Variants in PRKD1 observed in about 807,000 individuals in gnomAD.
The protein encoded by PRKD1 is serine/threonine-protein kinase D1.
Under a neutral mutation model 95.9 loss-of-function variants are expected in PRKD1, and 63 were observed. That is an observed-to-expected ratio of 0.66 (90% CI 0.54 to 0.81). The LOEUF (loss-of-function observed/expected upper bound fraction) is 0.81. Ranked by LOEUF, PRKD1 falls within the 30% of genes least tolerant of loss-of-function variation. The pLI is 0.00. For missense variants in PRKD1, 1,048 were observed against 1,165.3 expected, an observed-to-expected ratio of 0.90 and a Z score of 1.47; for synonymous variants, 425 against 423.1, an observed-to-expected ratio of 1.00 and a Z score of -0.05.
intron 1 of PRKD1, among the ~76,000 whole-genome samples, chr14:29,801,629 T>A (rs948336518): frequency 6.6e-6 from 1 of 151,206 alleles, no homozygotes; most frequent in Admixed American, 6.6e-5. Context: ...GGTGGTCTTA[T>A]ATGAATTACA....
intron 1 of PRKD1, among the ~76,000 whole-genome samples, chr14:29,898,605 T>C (rs1291036904): frequency 6.6e-6 from 1 of 151,772 alleles, no homozygotes; most frequent in Non-Finnish European, 1.5e-5. Flanking sequence ...AAGCAAATCA[T>C]CAGGTAATTT....
intron 16 of PRKD1, among the ~76,000 whole-genome samples, chr14:29,590,525 C>G (rs924755177): frequency 2.6e-5 from 4 of 152,120 alleles, no homozygotes; most frequent in Non-Finnish European, 5.9e-5. Flanking sequence ...CCCTTCACTT[C>G]TTTGTTCTCC....
At chr14:29,884,999 T>G (rs1893646548) in intron 1 of PRKD1, among the ~76,000 whole-genome samples, 1 of 151,432 alleles carries the variant, frequency 6.6e-6, no homozygotes, top group Admixed American at 6.6e-5. Context: ...GGTGGGCGCC[T>G]GTAGTCCCAG....
intron 6 of PRKD1, among the ~76,000 whole-genome samples, chr14:29,636,908 A>G (rs1880421527): frequency 6.6e-6 from 1 of 152,152 alleles, no homozygotes; most frequent in Admixed American, 6.5e-5. Context: ...GCTAAAGATA[A>G]TGGCCTCCAG....
At chr14:29,699,121 T>A (rs1203348672) in intron 2 of PRKD1, among the ~76,000 whole-genome samples, 5 of 152,198 alleles carry the variant, frequency 3.3e-5, no homozygotes, top group Non-Finnish European at 7.3e-5. Context: ...GATTTCTAAT[T>A]TGTTGCTAAT....
At chr14:29,660,758 A>G (rs1882144345) in intron 4 of PRKD1, among the ~76,000 whole-genome samples, 4 of 152,194 alleles carry the variant, frequency 2.6e-5, no homozygotes, top group Admixed American at 2.0e-4. Context: ...CAGAAATAAT[A>G]GACTCATTTA....
At chr14:29,758,780 A>G (rs1246407474) in intron 1 of PRKD1, among the ~76,000 whole-genome samples, 1 of 152,210 alleles carries the variant, frequency 6.6e-6, no homozygotes, top group Non-Finnish European at 1.5e-5. Flanking sequence ...ACCTTCCTCC[A>G]TAACATGTAA....
chr14:29,911,351 T>G (rs1478547997), intron 1 of PRKD1, among the ~76,000 whole-genome samples: 1 of 152,198 alleles, frequency 6.6e-6, no homozygotes, highest in Admixed American at 6.5e-5. Flanking sequence ...TTATTAAAAT[T>G]TATATTTTTA....
At chr14:29,908,141 A>C (rs1403868770) in intron 1 of PRKD1, among the ~76,000 whole-genome samples, 1 of 117,928 alleles carries the variant, frequency 8.5e-6, no homozygotes, top group Non-Finnish European at 1.7e-5. Flanking sequence ...AAGACAAAGC[A>C]AAAAAAAAAA....
chr14:29,704,255 C>T (rs1191104558), intron 2 of PRKD1, among the ~76,000 whole-genome samples: 1 of 151,914 alleles, frequency 6.6e-6, no homozygotes, highest in African/African-American at 2.4e-5. Flanking sequence ...TATGGCATAA[C>T]CATAGAAAGG....
chr14:29,735,572 T>G (rs761829782), intron 1 of PRKD1, among the ~76,000 whole-genome samples: 39 of 152,156 alleles, frequency 2.6e-4, no homozygotes, highest in Non-Finnish European at 8.8e-5. Context: ...CAGCTCAACT[T>G]TATAAAGACT....
intron 1 of PRKD1, among the ~76,000 whole-genome samples, chr14:29,864,608 T>G (rs1397401370): frequency 6.6e-6 from 1 of 152,146 alleles, no homozygotes; most frequent in Non-Finnish European, 1.5e-5. Context: ...ATTCTAAATG[T>G]TCCCTTCCAC....
intron 2 of PRKD1, among the ~76,000 whole-genome samples, chr14:29,684,073 G>A (rs750859427): frequency 2.6e-5 from 4 of 151,728 alleles, no homozygotes; most frequent in Non-Finnish European, 5.9e-5. Flanking sequence ...CCAGCCCTGA[G>A]AGTCTAGTTC....
chr14:29,811,734 C>G (rs1232123766), intron 1 of PRKD1, among the ~76,000 whole-genome samples: 2 of 152,184 alleles, frequency 1.3e-5, no homozygotes, highest in Non-Finnish European at 2.9e-5. Flanking sequence ...AAGTGGTCAC[C>G]TGAACCAAGA....
chr14:29,786,958 G>A (rs1889301459), intron 1 of PRKD1, among the ~76,000 whole-genome samples: 1 of 151,482 alleles, frequency 6.6e-6, no homozygotes, highest in African/African-American at 2.4e-5. Flanking sequence ...TTTCGATTTA[G>A]GCATTTATTG....
chr14:29,865,334 C>G (rs925529009), intron 1 of PRKD1, among the ~76,000 whole-genome samples: 2 of 152,130 alleles, frequency 1.3e-5, no homozygotes, highest in Non-Finnish European at 2.9e-5. Context: ...ATAAGGAAAT[C>G]AAAATGGTTA....
intron 2 of PRKD1, among the ~76,000 whole-genome samples, chr14:29,691,348 G>T (rs1161552578): frequency 6.6e-6 from 1 of 152,166 alleles, no homozygotes; most frequent in Non-Finnish European, 1.5e-5. Flanking sequence ...TATCCATGCT[G>T]GACCTATAGA....
chr14:29,731,257 A>G (rs1206426813), intron 1 of PRKD1, among the ~76,000 whole-genome samples: 2 of 152,146 alleles, frequency 1.3e-5, no homozygotes, highest in African/African-American at 2.4e-5. Context: ...ATTTTTCCAG[A>G]TAACTTTATG....
intron 2 of PRKD1, among the ~76,000 whole-genome samples, chr14:29,724,353 C>G (rs905414863): frequency 6.6e-6 from 1 of 152,122 alleles, no homozygotes; most frequent in Non-Finnish European, 1.5e-5. Flanking sequence ...AAGAACTGAT[C>G]CAGTGCATGA....
Sources: gnomAD v4.1 joint callset for allele counts (sites outside exome capture counted in the v4.1 genomes callset) on GRCh38, gnomAD v4.1.1 for gene constraint, MANE v1.5 for transcripts, NCBI Gene and HGNC (gene_info 2026-07-23, HGNC 2026-07-21) for gene names.